Variants in TREML1 observed in about 807,000 individuals in gnomAD.
The protein encoded by TREML1 is trem-like transcript 1 protein.
TREML1 carries 27 observed loss-of-function variants against 22.8 expected under a neutral mutation model. That is an observed-to-expected ratio of 1.19 (90% CI 0.87 to 1.64). TREML1 has a LOEUF of 1.64. Among genes scored for constraint, TREML1 ranks in the 40% most tolerant of loss-of-function variants. The pLI, the probability that TREML1 is intolerant of heterozygous loss-of-function variation, is 0.00. For synonymous variants in TREML1, 153 were observed against 161.9 expected (o/e 0.94, Z 0.42); for missense variants, 356 against 382.0 (o/e 0.93, Z 0.57).
chr6:41,155,328 G>A (rs528981509), upstream of TREML1, among the ~76,000 whole-genome samples: 16 of 149,564 alleles, frequency 1.1e-4, 1 homozygote, highest in South Asian at 6.4e-4. Context: ...AGATTTGCTC[G>A]CATTCTTCCT....
rs1765185769 is a variant in TREML1 at position 41,149,546 on chromosome 6, G to A, written c.*58C>T. The A allele has an allele frequency of 4.6e-5, 70 of 1,536,464 alleles. No homozygotes were observed. The highest frequency in any genetic ancestry group is 6.2e-5 in the Non-Finnish European group (70 of 1,132,726). On this transcript the variant is annotated 3_prime_UTR_variant, in exon 6 of 6. Transcript: ENST00000426005. ...AGGATCCTAGGGCATGAGCTGGCTG[G>A]ATGGATGCACAGAACCCCTAGGGAT...
In TREML1 at chr6:41,153,834, G is replaced by A. The variant is rs752112980; in HGVS notation, c.300C>T (p.Gly100=). 6 of 1,614,132 alleles carry A rather than the reference G, an allele frequency of 3.7e-6. No homozygotes were observed. Among genetic ancestry groups the A allele is most frequent in the Admixed American group, 3.3e-5 (2 of 60,024 alleles). The part of the protein sequence containing the change: ...EMVTLQEEDA[G]EYGCMVDGAR... ...CCCCATCCACCATGCAGCCATACTC[G>A]CCAGCATCCTCTTCCTGCAGGGTAA... The change falls in exon 2 of 6, where the codon GGC becomes GGT. Residue 100 remains glycine, a synonymous_variant. Coordinates refer to ENST00000426005, the MANE Select transcript of TREML1 (RefSeq NM_178174.4).
At position 41,149,675 on chromosome 6, in the gene TREML1, C is replaced by G. The variant is rs780702090; in HGVS notation, c.865G>C (p.Gly289Arg). The G allele has an allele frequency of 6.2e-7, 1 of 1,614,174 alleles. No homozygotes were observed. Among genetic ancestry groups the G allele is most frequent in the Non-Finnish European group, 8.5e-7 (1 of 1,180,032 alleles). Residue 289 changes from glycine (G) to arginine (R), a missense_variant, in exon 6 of 6, where the codon GGG (glycine) becomes CGG (arginine). Physicochemically the swap from Gly to Arg is moderately radical, Grantham distance 125. Transcript: ENST00000426005. ...CACGAGGTCCCTCCACCCTTGTTCC[C>G]TCCCGGGAAGATTACTGTGGCATAT... ...VTYATVIFPG[G>R]NKGGGTSCGP...
Position 41,151,293 on chromosome 6 carries a change from C to T in TREML1, c.468G>A (p.Gln156=), listed in dbSNP as rs1295658958. The T allele has an allele frequency of 1.2e-6, 2 of 1,614,084 alleles. No homozygotes were observed. Among genetic ancestry groups the T allele is most frequent in the East Asian group, 4.5e-5 (2 of 44,900 alleles). Residue 156 remains glutamine (Q), a synonymous_variant, in exon 3 of 6, where the codon CAG becomes CAA. Coordinates refer to ENST00000426005, the MANE Select transcript of TREML1 (RefSeq NM_178174.4). ...AATCCTGTCAGTACCTCTTCTCATC[C>T]TGGCTGGGTTCCAAAGGGTTGGCAC... ...AGSANPLEPS[Q]DEKSIPLIWG... is the part of the protein sequence containing the mutation.
At chr6:41,149,986 A>G in intron 5 of TREML1, 68 bp from the exon 6 acceptor site, 1 of 1,449,868 alleles carries the variant, frequency 6.9e-7, no homozygotes, top group Non-Finnish European at 9.5e-7. Flanking sequence ...TGGGAAGCCC[A>G]GGACCACACT....
At chr6:41,153,603 T>C (rs1246306777) in intron 2 of TREML1, among the ~76,000 whole-genome samples, 155 bp downstream of exon 2, 1 of 152,018 alleles carries the variant, frequency 6.6e-6, no homozygotes, top group Non-Finnish European at 1.5e-5. Context: ...CCCACCCAGT[T>C]TGGTTTCCGC....
intron 2 of TREML1, 106 bp from the exon 3 acceptor site, chr6:41,151,490 C>G: frequency 9.8e-7 from 1 of 1,018,032 alleles, no homozygotes; most frequent in Non-Finnish European, 1.5e-6. Context: ...GGAGTGGAGC[C>G]AAGGAAGGAG....
intron 2 of TREML1, 140 bp downstream of exon 2, chr6:41,153,618 T>C: frequency 2.4e-6 from 2 of 830,654 alleles, no homozygotes; most frequent in East Asian, 2.6e-5. Flanking sequence ...TTCCGCTCCC[T>C]GCAGAGCTGT....
In TREML1 at chr6:41,150,306, C is replaced by T. The variant is rs147804615; in HGVS notation, c.576G>A (p.Arg192=). The change falls in exon 5 of 6, where the codon AGG becomes AGA. Residue 192 remains arginine (R), a synonymous_variant. Transcript: ENST00000426005. ...AVMAKRKQGN[R]LGVCGRFLSS... Reference sequence around the variant, plus strand: ...TCAGGAATCGGCCACAGACACCAAGCCTGTTCCCTGGCAGGACAGACAACA... The same window carrying T: ...TCAGGAATCGGCCACAGACACCAAGTCTGTTCCCTGGCAGGACAGACAACA... The T allele has an allele frequency of 5.6e-6, 9 of 1,613,922 alleles. No individual in the cohort carries two copies. The highest frequency in any genetic ancestry group is 7.6e-6 in the Non-Finnish European group (9 of 1,179,984).
rs139027309 is a variant in TREML1, at chr6:41,151,371, CTCT to C, written c.387_389del (p.Glu130del). The C allele has an allele frequency of 5.4e-3, 8,720 of 1,614,162 alleles. 234 individuals carry two copies. The South Asian group carries it at 0.061, about 11-fold the overall frequency. ...CAGCCAGACTGCCAATCTTATGGGT[CTCT>C]TCTTCTTCCTCTGTCAGGCCAGGAA... On this transcript the variant is annotated inframe_deletion, in exon 3 of 6. Coordinates refer to ENST00000426005, the MANE Select transcript of TREML1 (RefSeq NM_178174.4).
chr6:41,151,185 A>T, intron 3 of TREML1, 97 bp downstream of exon 3: 2 of 1,107,422 alleles, frequency 1.8e-6, no homozygotes, highest in East Asian at 2.4e-5. Context: ...GGGAAGAATC[A>T]TAGGTTTTCC....
At position 41,154,173 on chromosome 6, in the gene TREML1, A is replaced by G. The variant is rs905110791; in HGVS notation, c.43+73T>C. Reference sequence around the variant, plus strand: ...AGCTGCTGGTATGGGTGTGGCATTCACAATAACACGTTACTCCTGGACATG... The same window carrying G: ...AGCTGCTGGTATGGGTGTGGCATTCGCAATAACACGTTACTCCTGGACATG... On this transcript the variant is annotated intron_variant, in intron 1 of 5. Coordinates refer to ENST00000426005, the MANE Select transcript of TREML1 (RefSeq NM_178174.4). 8.8e-6 allele frequency: 14 copies of G among 1,588,196 alleles called. No homozygotes were observed. In the African/African-American group the frequency reaches 1.8e-4, roughly 20 times the overall value.
At position 41,153,752 on chromosome 6, in the gene TREML1, A is replaced by T. The variant is rs368130251; in HGVS notation, c.376+6T>A. The T allele has an allele frequency of 6.3e-7, 1 of 1,594,070 alleles. No individual in the cohort carries two copies. Among genetic ancestry groups the T allele is most frequent in the African/African-American group, 1.3e-5 (1 of 74,392 alleles). On this transcript the variant is annotated splice_donor_region_variant and intron_variant, in intron 2 of 5. Coordinates refer to ENST00000426005, the MANE Select transcript of TREML1 (RefSeq NM_178174.4). ...AAGGGGTGGTAGCTGGCCTAGGATA[A>T]CTCACCTGGGGGCAGTATGTTCAGA... is the stretch of plus-strand genomic sequence containing the variant.
intron 5 of TREML1, 26 bp downstream of exon 5, chr6:41,150,235 G>A: frequency 6.2e-7 from 1 of 1,612,920 alleles, no homozygotes; most frequent in Non-Finnish European, 8.5e-7. Context: ...GGGGAATTTG[G>A]CTGTGGGCCT....
Position 41,149,846 on chromosome 6 carries a change from T to C in TREML1, c.694A>G (p.Ile232Val). The C allele has an allele frequency of 1.2e-6, 2 of 1,614,126 alleles. No homozygotes were observed. The highest frequency in any genetic ancestry group is 2.7e-5 in the African/African-American group (2 of 75,022). The change falls in exon 6 of 6, where the codon ATT becomes GTT. Residue 232 changes from isoleucine (I) to valine (V), a missense_variant. Ile to Val is a conservative substitution (Grantham distance 29). Transcript: ENST00000426005. ...AATGAAGGTGGTGAGTCAAGCCTAA[T>C]GTGTGGTACATCCAAAGGCAATTCA... The part of the protein sequence containing the change: ...AAELPLDVPH[I>V]RLDSPPSFDN...
chr6:41,149,440 G>A lies in TREML1; in HGVS notation c.*164C>T. On this transcript the variant is annotated 3_prime_UTR_variant, in exon 6 of 6. Transcript: ENST00000426005. ...GGGAGGTCTTCCCCAAGACATCTCAGTCATGTCTGAGCGTCACTTTCCCTA... is the reference window on the plus strand; with the variant it reads ...GGGAGGTCTTCCCCAAGACATCTCAATCATGTCTGAGCGTCACTTTCCCTA... The A allele has an allele frequency of 2.6e-6, 2 of 758,662 alleles. No individual in the cohort carries two copies. The highest frequency in any genetic ancestry group is 2.0e-5 in the South Asian group (1 of 50,498). The allele number at this position is 758,662 out of a possible 1,614,324, so 47.0% of individuals were successfully genotyped here. A position where few individuals can be genotyped will look rare whatever the true frequency, so the allele number is the denominator to read the frequency against.
rs778006457 is a variant in TREML1 at position 41,149,878 on chromosome 6, G to A, written c.662C>T (p.Pro221Leu). The change falls in exon 6 of 6, where the codon CCG (proline) becomes CTG (leucine). Residue 221 changes from proline (P) to leucine (L), a missense_variant. Pro to Leu is a moderately conservative substitution (Grantham distance 98). Coordinates refer to ENST00000426005, the MANE Select transcript of TREML1 (RefSeq NM_178174.4). ...SVVHHVSDSGPAAELPLDVPH... is the reference protein window; with the variant it reads ...SVVHHVSDSGLAAELPLDVPH... ...TACATCCAAAGGCAATTCAGCAGCCGGTCCAGAGTCACTGACGTGGTGGAC... is the reference window on the plus strand; with the variant it reads ...TACATCCAAAGGCAATTCAGCAGCCAGTCCAGAGTCACTGACGTGGTGGAC... The A allele has an allele frequency of 1.5e-5, 24 of 1,613,902 alleles. No individual in the cohort carries two copies. The highest frequency in any genetic ancestry group is 1.6e-4 in the Middle Eastern group (1 of 6,082).
intron 2 of TREML1, among the ~76,000 whole-genome samples, chr6:41,153,447 T>TA (rs1765325565): frequency 6.6e-6 from 1 of 151,920 alleles, no homozygotes; most frequent in Non-Finnish European, 1.5e-5. Flanking sequence ...TATTTCTAAT[T>TA]AAAAAATAAG....
chr6:41,153,511 G>A (rs985863673), intron 2 of TREML1, among the ~76,000 whole-genome samples: 1 of 152,102 alleles, frequency 6.6e-6, no homozygotes, highest in African/African-American at 2.4e-5. Flanking sequence ...CCCTGGAGTG[G>A]GAAGGACATG....
Sources: gnomAD v4.1 joint callset for allele counts (sites outside exome capture counted in the v4.1 genomes callset) on GRCh38, gnomAD v4.1.1 for gene constraint, MANE v1.5 for transcripts, NCBI Gene and HGNC (gene_info 2026-07-23, HGNC 2026-07-21) for gene names.